The following DLGAP1 variants were observed in gnomAD, a reference collection of about 807,000 sequenced individuals.
DLGAP1 encodes the protein DLG associated protein 1, also known as disks large-associated protein 1.
Under a neutral mutation model 90.8 loss-of-function variants are expected in DLGAP1, and 11 were observed. The observed-to-expected ratio is 0.12, with a 90% CI of 0.08 to 0.20. The LOEUF (loss-of-function observed/expected upper bound fraction) is 0.20. Among genes scored for constraint, DLGAP1 ranks in the 10% least tolerant of loss-of-function variants. DLGAP1 has a pLI of 1.00. For synonymous variants in DLGAP1, 558 were observed against 540.7 expected, an observed-to-expected ratio of 1.03 and a Z score of -0.44; for missense variants, 1,050 against 1,333.8, an observed-to-expected ratio of 0.79 and a Z score of 3.31.
At chr18:4,354,294 AC>A (rs1209686223) in intron 1 of DLGAP1, among the ~76,000 whole-genome samples, 1 of 152,112 alleles carries the variant, frequency 6.6e-6, no homozygotes, top group Non-Finnish European at 1.5e-5. Context: ...GATTACTCTA[AC>A]CTTCCTCCAC....
intron 3 of DLGAP1, among the ~76,000 whole-genome samples, chr18:3,926,144 T>G (rs2072376871): frequency 6.6e-6 from 1 of 152,198 alleles, no homozygotes; most frequent in South Asian, 2.1e-4. Flanking sequence ...AGATTGAAAT[T>G]AGAGGTCATT....
At chr18:3,546,112 G>C (rs539395142) in intron 9 of DLGAP1, among the ~76,000 whole-genome samples, 2 of 152,218 alleles carry the variant, frequency 1.3e-5, no homozygotes, top group African/African-American at 4.8e-5. Context: ...TGACCTTATT[G>C]GCATTTATAG....
intron 9 of DLGAP1, among the ~76,000 whole-genome samples, chr18:3,562,073 A>G (rs982020478): frequency 1.3e-5 from 2 of 151,654 alleles, no homozygotes; most frequent in Admixed American, 1.3e-4. Context: ...CTAAAAATAT[A>G]AAAATTAGCA....
chr18:4,322,970 G>GAAAAAAAAAAAAAAAAAAAAAAAA, intron 1 of DLGAP1, among the ~76,000 whole-genome samples: 1 of 130,050 alleles, frequency 7.7e-6, no homozygotes, highest in South Asian at 2.5e-4. Context: ...AAAAAAAAAG[G>GAAAAAAAAAAAAAAAAAAAAAAAA]AAAAAGCTAC....
chr18:3,874,567 TC>T, intron 4 of DLGAP1: 3 of 1,496,144 alleles, frequency 2.0e-6, no homozygotes, highest in Non-Finnish European at 2.6e-6. Context: ...TTTTATTCTA[TC>T]TCTGAACCTC....
chr18:4,446,643 C>T (rs11874796), intron 1 of DLGAP1, among the ~76,000 whole-genome samples: 6,664 of 152,122 alleles, frequency 0.044, 492 homozygotes, highest in African/African-American at 0.15. Context: ...AATTGGAAAA[C>T]ATTTCTCAAA....
intron 1 of DLGAP1, among the ~76,000 whole-genome samples, chr18:4,362,521 G>T (rs927695073): frequency 4.6e-5 from 7 of 152,278 alleles, no homozygotes; most frequent in African/African-American, 1.4e-4. Context: ...TGTACTTAGC[G>T]TATTCAAAAT....
chr18:3,763,161 T>G (rs1421444993), intron 5 of DLGAP1, among the ~76,000 whole-genome samples: 2 of 152,184 alleles, frequency 1.3e-5, no homozygotes, highest in African/African-American at 4.8e-5. Flanking sequence ...GGACACCATC[T>G]AATCAGCTGC....
At chr18:3,934,980 C>A (rs1205697982) in intron 3 of DLGAP1, among the ~76,000 whole-genome samples, 1 of 152,232 alleles carries the variant, frequency 6.6e-6, no homozygotes, top group African/African-American at 2.4e-5. Flanking sequence ...GGAGCAGTGA[C>A]TTAGCCTTGT....
At chr18:4,177,378 A>G (rs1163784538) in intron 1 of DLGAP1, among the ~76,000 whole-genome samples, 2 of 151,672 alleles carry the variant, frequency 1.3e-5, no homozygotes, top group Non-Finnish European at 2.9e-5. Context: ...ACACACACAC[A>G]CACACACACA....
chr18:4,436,734 G>A (rs554323805), intron 1 of DLGAP1, among the ~76,000 whole-genome samples: 1 of 152,116 alleles, frequency 6.6e-6, no homozygotes, highest in African/African-American at 2.4e-5. Flanking sequence ...AAATGTTGAC[G>A]GGTAAGTTCC....
rs1283685654 is a variant in DLGAP1 at position 4,012,969 on chromosome 18, T to C, written c.-158-7768A>G. 3.9e-5 allele frequency among the ~76,000 whole-genome samples: 6 copies of C among 152,222 alleles called. No homozygotes were observed. The South Asian group carries it at 1.2e-3, about 31-fold the overall frequency. On this transcript the variant is annotated intron_variant, in intron 2 of 12. Transcript: ENST00000315677. ...ATCCTCCTGCCTCGTCCTCCCAAAG[T>C]CCTGGGATTGCAGGTGTGAGCCACC... is the stretch of plus-strand genomic sequence containing the variant.
chr18:3,745,452 A>T (rs1309056213), intron 5 of DLGAP1, among the ~76,000 whole-genome samples: 2 of 152,198 alleles, frequency 1.3e-5, no homozygotes, highest in Non-Finnish European at 2.9e-5. Context: ...GCAATACTAG[A>T]GAAAGAAGGC....
chr18:3,823,949 CAAAAAAAAAAAAAAAAAAA>C (rs60286806), intron 4 of DLGAP1, among the ~76,000 whole-genome samples: 2 of 36,550 alleles, frequency 5.5e-5, no homozygotes, highest in South Asian at 4.2e-3. Flanking sequence ...GACTCCCTCT[CAAAAAAAAAAAAAAAAAAA>C]AAAAAAAAAA....
intron 5 of DLGAP1, among the ~76,000 whole-genome samples, chr18:3,756,988 G>A (rs976981525): frequency 1.3e-5 from 2 of 152,150 alleles, no homozygotes; most frequent in Admixed American, 1.3e-4. Flanking sequence ...CGTTTCACTG[G>A]TGGATTATGT....
At chr18:4,202,597 A>G (rs1218567521) in intron 1 of DLGAP1, among the ~76,000 whole-genome samples, 1 of 152,074 alleles carries the variant, frequency 6.6e-6, no homozygotes, top group Non-Finnish European at 1.5e-5. Context: ...GAATATTTCT[A>G]AACATTTAAA....
intron 1 of DLGAP1, among the ~76,000 whole-genome samples, chr18:4,328,743 T>C (rs866491479): frequency 2.6e-5 from 4 of 151,954 alleles, no homozygotes; most frequent in South Asian, 2.1e-4. Context: ...CCCCAGTGAG[T>C]GTGAAGTAGT....
At chr18:4,105,246 G>A (rs747496363) in intron 2 of DLGAP1, among the ~76,000 whole-genome samples, 7 of 152,132 alleles carry the variant, frequency 4.6e-5, no homozygotes, top group Non-Finnish European at 1.0e-4. Flanking sequence ...TTGAGTCCAC[G>A]GGGCACTGAA....
chr18:3,905,833 T>A (rs2071894402), intron 3 of DLGAP1, among the ~76,000 whole-genome samples: 1 of 152,212 alleles, frequency 6.6e-6, no homozygotes, highest in Non-Finnish European at 1.5e-5. Context: ...ATCATAATCC[T>A]CACTTAGAGG....
Sources: allele counts gnomAD v4.1 joint callset (sites outside exome capture counted in the v4.1 genomes callset), GRCh38; gene constraint gnomAD v4.1.1; transcripts MANE v1.5; gene names NCBI Gene and HGNC (gene_info 2026-07-23, HGNC 2026-07-21).